The following CASTOR2 variants were observed in gnomAD, a reference collection of about 807,000 sequenced individuals.
The protein encoded by CASTOR2 is cytosolic arginine sensor for mTORC1 subunit 2.
In CASTOR2, 8 loss-of-function variants were observed where a neutral mutation model predicts 31.2. That is an observed-to-expected ratio of 0.26 (90% CI 0.15 to 0.46). The LOEUF (loss-of-function observed/expected upper bound fraction) is 0.46. Ranked by LOEUF, CASTOR2 falls within the 20% of genes least tolerant of loss-of-function variation. The pLI, the probability that CASTOR2 is intolerant of heterozygous loss-of-function variation, is 0.99. For missense variants in CASTOR2, 216 were observed against 382.1 expected, an observed-to-expected ratio of 0.57 and a Z score of 3.62; for synonymous variants, 162 against 158.7, an observed-to-expected ratio of 1.02 and a Z score of -0.16.
chr7:75,018,694 T>C (rs1225725527), intron 4 of CASTOR2, among the ~76,000 whole-genome samples: 7 of 152,238 alleles, frequency 4.6e-5, no homozygotes, highest in African/African-American at 1.7e-4. Flanking sequence ...ACTGTGGTGC[T>C]GAAGCCTGGA....
intron 1 of CASTOR2, among the ~76,000 whole-genome samples, chr7:74,975,757 C>T (rs1487396661): frequency 1.5e-4 from 21 of 137,814 alleles, no homozygotes; most frequent in Non-Finnish European, 2.3e-4. Context: ...GTCTTGGCTA[C>T]TTTCTTCTAA....
intron 2 of CASTOR2, among the ~76,000 whole-genome samples, chr7:75,008,597 G>A (rs1280161154): frequency 4.6e-5 from 7 of 152,080 alleles, no homozygotes; most frequent in Non-Finnish European, 7.4e-5. Flanking sequence ...TTGAGAGACC[G>A]AGGCAGGAGG....
In CASTOR2 at chr7:75,007,980, G is replaced by T; in HGVS notation, c.114-14G>T. ...TGGACTAATGAGATATTCTGTGTCT[G>T]TCCATCCATCCAGGTGCAAGTTCTT... is the stretch of plus-strand genomic sequence containing the variant. On this transcript the variant is annotated splice_polypyrimidine_tract_variant and intron_variant, in intron 1 of 8. Transcript: ENST00000616305. 2 of 1,613,928 alleles carry T rather than the reference G, an allele frequency of 1.2e-6. No individual in the cohort carries two copies. Among genetic ancestry groups the T allele is most frequent in the Non-Finnish European group, 1.7e-6 (2 of 1,179,854 alleles).
In CASTOR2 at chr7:74,975,577, G is replaced by A. The variant is rs587639929; in HGVS notation, c.113+10479G>A. On this transcript the variant is annotated intron_variant, in intron 1 of 8. Coordinates refer to ENST00000616305, the MANE Select transcript of CASTOR2 (RefSeq NM_001145064.3). Reference sequence around the variant, plus strand: ...CTAAAAATAGAAAAATTAGCCAGGCGTGGTGGCGGGCGCCTGTATTCCCAG... The same window carrying A: ...CTAAAAATAGAAAAATTAGCCAGGCATGGTGGCGGGCGCCTGTATTCCCAG... Among the ~76,000 whole-genome samples the A allele has an allele frequency of 5.5e-5, 7 of 127,728 alleles. No individual in the cohort carries two copies. In the South Asian group the frequency reaches 7.8e-4, roughly 14 times the overall value. 83.8% of individuals were successfully genotyped at this position (127,728 alleles called of 152,430 possible). A position where few individuals can be genotyped will look rare whatever the true frequency, so the allele number is the denominator to read the frequency against.
At chr7:74,987,341 G>T (rs1804092540) in intron 1 of CASTOR2, among the ~76,000 whole-genome samples, 1 of 151,588 alleles carries the variant, frequency 6.6e-6, no homozygotes, top group Non-Finnish European at 1.5e-5. Context: ...GGAAGTGGAG[G>T]TTGCAGTGAG....
intron 1 of CASTOR2, among the ~76,000 whole-genome samples, chr7:74,968,237 CAA>C (rs1216622549): frequency 3.3e-5 from 5 of 150,114 alleles, no homozygotes; most frequent in African/African-American, 1.2e-4. Flanking sequence ...ATTCAGTCCT[CAA>C]GAGCTAATGA....
At chr7:74,983,728 T>C (rs1446971721) in intron 1 of CASTOR2, among the ~76,000 whole-genome samples, 3 of 150,446 alleles carry the variant, frequency 2.0e-5, no homozygotes, top group Non-Finnish European at 4.4e-5. Flanking sequence ...AGACACCTTA[T>C]CAAGCGCTCT....
rs902695048 is a variant in CASTOR2 at position 75,028,965 on chromosome 7, G to A, written c.*4266G>A. On this transcript the variant is annotated 3_prime_UTR_variant, in exon 9 of 9. Coordinates refer to ENST00000616305, the MANE Select transcript of CASTOR2 (RefSeq NM_001145064.3). Reference sequence around the variant, plus strand: ...GCTGGTGGGAAAGGAAGGAGCTGGGGGATCAGAGGCTTCCAGTGTGGCCTC... The same window carrying A: ...GCTGGTGGGAAAGGAAGGAGCTGGGAGATCAGAGGCTTCCAGTGTGGCCTC... Among the ~76,000 whole-genome samples the A allele has an allele frequency of 1.3e-5, 2 of 151,936 alleles. No individual in the cohort carries two copies. Among genetic ancestry groups the A allele is most frequent in the African/African-American group, 4.8e-5 (2 of 41,346 alleles).
At chr7:74,998,994 A>G (rs1584468818) in intron 1 of CASTOR2, among the ~76,000 whole-genome samples, 1 of 150,376 alleles carries the variant, frequency 6.6e-6, no homozygotes, top group South Asian at 2.1e-4. Context: ...TTTATTTTCT[A>G]TCTTTTTTTT....
Position 75,020,149 on chromosome 7 carries a change from G to A in CASTOR2, c.746G>A (p.Arg249Lys). The stretch of plus-strand genomic sequence containing the variant: ...GTGATGGACGTGCAGACGCAGCAGA[G>A]GTGAGCCAGGCCCTGGGGTGGACGT... The part of the protein sequence containing the change: ...SLVMDVQTQQ[R>K]FPSNLLFTSA... Residue 249 changes from arginine to lysine, a missense_variant and splice_region_variant, in exon 6 of 9, where the codon AGG (arginine) becomes AAG (lysine). Physicochemically the swap from Arg to Lys is conservative, Grantham distance 26. Around this residue, in one of 5 missense-constraint regions of CASTOR2, gnomAD observed 44 missense variants for 57.5 expected, o/e 0.76. Coordinates refer to ENST00000616305, the MANE Select transcript of CASTOR2 (RefSeq NM_001145064.3). The A allele has an allele frequency of 6.4e-7, 1 of 1,551,480 alleles. No individual in the cohort carries two copies. The highest frequency in any genetic ancestry group is 8.7e-7 in the Non-Finnish European group (1 of 1,146,836).
At chr7:75,017,897 G>A in intron 3 of CASTOR2, 93 bp from the exon 4 acceptor site, 1 of 1,613,560 alleles carries the variant, frequency 6.2e-7, no homozygotes, top group South Asian at 1.1e-5. Context: ...CTATTCCAGG[G>A]TGGGGGCAGA....
Position 74,994,957 on chromosome 7 carries a change from G to A in CASTOR2, c.114-13037G>A, listed in dbSNP as rs1223360385. ...CAGCCACCACAGGAAGCAGAGGACTGTCAGTGTCCAAGACGTCAGAGGAGA... is the reference window on the plus strand; with the variant it reads ...CAGCCACCACAGGAAGCAGAGGACTATCAGTGTCCAAGACGTCAGAGGAGA... On this transcript the variant is annotated intron_variant, in intron 1 of 8. Transcript: ENST00000616305. Among the ~76,000 whole-genome samples, 3 of 152,132 alleles carry A rather than the reference G, an allele frequency of 2.0e-5. No individual in the cohort carries two copies. In the East Asian group the frequency reaches 5.8e-4, roughly 29 times the overall value.
At chr7:75,013,121 C>T (rs1804791686) in intron 2 of CASTOR2, among the ~76,000 whole-genome samples, 1 of 152,204 alleles carries the variant, frequency 6.6e-6, no homozygotes, top group African/African-American at 2.4e-5. Context: ...AGGCCGGTGC[C>T]CTGTCACCCC....
At position 75,027,905 on chromosome 7, in the gene CASTOR2, GT is replaced by G; in HGVS notation, c.*3207del. ...GCCCTTGTCCCCCAGCTATCTCCTGGTCTGCTGGGTGGGAGGGTCTCTCCAG... is the reference window on the plus strand; with the variant it reads ...GCCCTTGTCCCCCAGCTATCTCCTGGCTGCTGGGTGGGAGGGTCTCTCCAG... On this transcript the variant is annotated 3_prime_UTR_variant, in exon 9 of 9. Transcript: ENST00000616305. The G allele has an allele frequency of 9.5e-7, 1 of 1,055,736 alleles. No individual in the cohort carries two copies. Among genetic ancestry groups the G allele is most frequent in the East Asian group, 2.6e-5 (1 of 38,518 alleles). 65.4% of individuals were successfully genotyped at this position (1,055,736 alleles called of 1,614,324 possible).
At chr7:74,969,307 G>A (rs1366484747) in intron 1 of CASTOR2, among the ~76,000 whole-genome samples, 3 of 111,950 alleles carry the variant, frequency 2.7e-5, no homozygotes, top group African/African-American at 1.1e-4. Flanking sequence ...TTTGGAGATA[G>A]GGTCTTCTTC....
chr7:74,977,802 C>G (rs1554435918), intron 1 of CASTOR2, among the ~76,000 whole-genome samples: 1 of 150,504 alleles, frequency 6.6e-6, no homozygotes, highest in Non-Finnish European at 1.5e-5. Flanking sequence ...CTCAGCCCCA[C>G]TGAGTAGCTG....
rs1805085995 is a variant in CASTOR2, at chr7:75,024,900, G to T, written c.*201G>T. On this transcript the variant is annotated 3_prime_UTR_variant, in exon 9 of 9. Transcript: ENST00000616305. Reference sequence around the variant, plus strand: ...CTCTCCATGCCCTCCTGCCTTCCCGGAGCCCCCCGACCCTCCAGAGAACGA... The same window carrying T: ...CTCTCCATGCCCTCCTGCCTTCCCGTAGCCCCCCGACCCTCCAGAGAACGA... 3 of 1,311,814 alleles carry T rather than the reference G, an allele frequency of 2.3e-6. No individual in the cohort carries two copies. The highest frequency in any genetic ancestry group is 3.2e-6 in the Non-Finnish European group (3 of 950,536). 81.3% of individuals were successfully genotyped at this position (1,311,814 alleles called of 1,614,324 possible).
intron 2 of CASTOR2, among the ~76,000 whole-genome samples, chr7:75,016,893 G>A (rs1482457034): frequency 7.2e-5 from 11 of 152,330 alleles, no homozygotes; most frequent in African/African-American, 2.6e-4. Context: ...AAGGCTGGGC[G>A]CAGTGGCTCA....
intron 7 of CASTOR2, 119 bp downstream of exon 7, chr7:75,022,075 T>A: frequency 8.2e-7 from 1 of 1,219,496 alleles, no homozygotes; most frequent in Non-Finnish European, 1.2e-6. Context: ...AGACTGAGGC[T>A]TGGGGAGCCT....
Sources: allele counts gnomAD v4.1 joint callset (sites outside exome capture counted in the v4.1 genomes callset), GRCh38; gene constraint gnomAD v4.1.1; regional missense constraint gnomAD v4.1.1; transcripts MANE v1.5; gene names NCBI Gene and HGNC (gene_info 2026-07-23, HGNC 2026-07-21).